Variants in JAM2 observed in about 807,000 individuals in gnomAD.
The protein encoded by JAM2 is junctional adhesion molecule B.
In JAM2, 17 loss-of-function variants were observed where a neutral mutation model predicts 42.0. That is an observed-to-expected ratio of 0.40 (90% CI 0.28 to 0.61). The LOEUF is 0.61. Ranked by LOEUF, JAM2 falls within the 20% of genes least tolerant of loss-of-function variation. The pLI is 0.37. For missense variants in JAM2, 319 were observed against 358.3 expected, an observed-to-expected ratio of 0.89 and a Z score of 0.89; for synonymous variants, 118 against 128.6, an observed-to-expected ratio of 0.92 and a Z score of 0.56.
intron 5 of JAM2, among the ~76,000 whole-genome samples, chr21:25,701,647 G>T (rs182531654): frequency 6.6e-6 from 1 of 152,176 alleles, no homozygotes; most frequent in African/African-American, 2.4e-5. Context: ...TGATAGAATC[G>T]ACAATCCTAT....
intron 1 of JAM2, among the ~76,000 whole-genome samples, chr21:25,642,029 C>T (rs1359221064): frequency 6.6e-6 from 1 of 152,158 alleles, no homozygotes; most frequent in Non-Finnish European, 1.5e-5. Context: ...ACATTTTCAT[C>T]ACATTATCTC....
chr21:25,690,051 A>G lies in JAM2; in HGVS notation c.241+78A>G, dbSNP rs948757621. On this transcript the variant is annotated intron_variant, in intron 3 of 9. Transcript: ENST00000480456. Reference sequence around the variant, plus strand: ...CAGGATCCTTTAATTGGCAAATGAGATCGGACATGACTGATTACTGAAAAT... The same window carrying G: ...CAGGATCCTTTAATTGGCAAATGAGGTCGGACATGACTGATTACTGAAAAT... The G allele has an allele frequency of 3.1e-5, 27 of 873,064 alleles. No homozygotes were observed. In the African/African-American group the frequency reaches 3.7e-4, roughly 12 times the overall value. 54.1% of individuals were successfully genotyped at this position (873,064 alleles called of 1,614,324 possible).
chr21:25,648,134 G>A (rs1248600749), intron 1 of JAM2, among the ~76,000 whole-genome samples: 6 of 152,066 alleles, frequency 3.9e-5, no homozygotes, highest in South Asian at 2.1e-4. Context: ...TCACTTGAAC[G>A]TGGGAGGCGG....
chr21:25,709,478 T>C (rs1195332021), intron 8 of JAM2, 29 bp downstream of exon 8: 1 of 1,421,824 alleles, frequency 7.0e-7, no homozygotes, highest in Admixed American at 1.8e-5. Context: ...AATGCATGTC[T>C]TTCTCCTATG....
chr21:25,660,221 CT>C (rs1201115437), intron 1 of JAM2, among the ~76,000 whole-genome samples: 1 of 152,102 alleles, frequency 6.6e-6, no homozygotes, highest in African/African-American at 2.4e-5. Flanking sequence ...CACCCAGCCC[CT>C]CTTATAGTTT....
Position 25,689,949 on chromosome 21 carries a change from G to A in JAM2, c.217G>A (p.Val73Ile). ...WKKLGRSVSF[V>I]YYQQTLQGDF... ...GAAACTGGGTCGGAGTGTCTCCTTTGTCTACTATCAACAGACTCTTCAAGG... is the reference window on the plus strand; with the variant it reads ...GAAACTGGGTCGGAGTGTCTCCTTTATCTACTATCAACAGACTCTTCAAGG... Residue 73 changes from valine to isoleucine, a missense_variant, in exon 3 of 10, where the codon GTC becomes ATC. Transcript: ENST00000480456. The A allele has an allele frequency of 6.2e-7, 1 of 1,611,442 alleles. No homozygotes were observed. Among genetic ancestry groups the A allele is most frequent in the Non-Finnish European group, 8.5e-7 (1 of 1,177,696 alleles).
Position 25,660,759 on chromosome 21 carries a change from C to CATATATATATAT in JAM2, c.67+20884_67+20895dup, listed in dbSNP as rs1311949044. Reference sequence around the variant, plus strand: ...TTTGTATTCTAATGCTCACAATAACCATATATATATATATATATATATATT... The same window carrying CATATATATATAT: ...TTTGTATTCTAATGCTCACAATAACCATATATATATATATATATATATATATATATATATATT... On this transcript the variant is annotated intron_variant, in intron 1 of 9. Transcript: ENST00000480456. Among the ~76,000 whole-genome samples the CATATATATATAT allele has an allele frequency of 4.9e-3, 259 of 53,352 alleles. 1 individual carries two copies. Among genetic ancestry groups the CATATATATATAT allele is most frequent in the Middle Eastern group, 0.034 (2 of 58 alleles). The allele number at this position is 53,352 out of a possible 152,430, so 35.0% of individuals were successfully genotyped here.
At chr21:25,656,855 A>G (rs2032952493) in intron 1 of JAM2, among the ~76,000 whole-genome samples, 1 of 152,204 alleles carries the variant, frequency 6.6e-6, no homozygotes, top group Non-Finnish European at 1.5e-5. Context: ...ATATATGTTC[A>G]ACTATTTATA....
intron 2 of JAM2, among the ~76,000 whole-genome samples, chr21:25,686,860 C>T (rs77675233): frequency 0.013 from 1,999 of 152,236 alleles, 9 homozygotes; most frequent in Non-Finnish European, 0.021. Context: ...TCTATCTATG[C>T]GATTCCTAAA....
At chr21:25,671,062 T>C (rs1486408502) in intron 1 of JAM2, among the ~76,000 whole-genome samples, 2 of 152,194 alleles carry the variant, frequency 1.3e-5, no homozygotes, top group Admixed American at 6.5e-5. Context: ...AAAATAAAAT[T>C]CACACAGCTC....
chr21:25,661,370 G>A (rs757771410), intron 1 of JAM2, among the ~76,000 whole-genome samples: 1 of 152,094 alleles, frequency 6.6e-6, no homozygotes, highest in Non-Finnish European at 1.5e-5. Context: ...GGCTGAAGCA[G>A]GAGGATCCCT....
chr21:25,710,496 A>G (rs2034360852), intron 8 of JAM2, among the ~76,000 whole-genome samples: 1 of 152,248 alleles, frequency 6.6e-6, no homozygotes, highest in African/African-American at 2.4e-5. Context: ...TAGGGTGGTC[A>G]GAAAGGATCT....
chr21:25,698,902 C>G (rs767232364), intron 5 of JAM2, 23 bp downstream of exon 5: 147 of 1,584,182 alleles, frequency 9.3e-5, no homozygotes, highest in Non-Finnish European at 1.2e-4. Context: ...CAAGATTTGA[C>G]TTGATAACTG....
chr21:25,711,075 GAGA>G (rs1015069149), intron 8 of JAM2, among the ~76,000 whole-genome samples: 3 of 152,222 alleles, frequency 2.0e-5, no homozygotes, highest in African/African-American at 2.4e-5. Context: ...TCAAGGTTAT[GAGA>G]AGGATGGAAT....
At chr21:25,694,508 C>G (rs1157146304) in intron 4 of JAM2, among the ~76,000 whole-genome samples, 1 of 152,028 alleles carries the variant, frequency 6.6e-6, no homozygotes, top group Non-Finnish European at 1.5e-5. Flanking sequence ...GGGGTTAACT[C>G]CAAAACCAGT....
At chr21:25,654,950 T>A (rs1330724486) in intron 1 of JAM2, among the ~76,000 whole-genome samples, 1 of 152,140 alleles carries the variant, frequency 6.6e-6, no homozygotes, top group Admixed American at 6.5e-5. Context: ...AACACATGCA[T>A]CTAAAGGCCT....
At chr21:25,673,951 T>TG (rs1314780490) in intron 1 of JAM2, among the ~76,000 whole-genome samples, 1 of 152,196 alleles carries the variant, frequency 6.6e-6, no homozygotes, top group African/African-American at 2.4e-5. Flanking sequence ...CGCGATCTGA[T>TG]GGTTTTATAA....
chr21:25,706,533 T>C (rs1241067803), intron 7 of JAM2, among the ~76,000 whole-genome samples: 1 of 152,140 alleles, frequency 6.6e-6, no homozygotes, highest in African/African-American at 2.4e-5. Flanking sequence ...ATTTATTTTC[T>C]GCTATAGAAA....
At chr21:25,702,518 C>T (rs1394896371) in intron 6 of JAM2, among the ~76,000 whole-genome samples, 2 of 152,090 alleles carry the variant, frequency 1.3e-5, no homozygotes, top group Admixed American at 1.3e-4. Flanking sequence ...TTTAAATAAT[C>T]GTTTTTAAAA....
Sources: gnomAD v4.1 joint callset for allele counts (sites outside exome capture counted in the v4.1 genomes callset) on GRCh38, gnomAD v4.1.1 for gene constraint, MANE v1.5 for transcripts, NCBI Gene and HGNC (gene_info 2026-07-23, HGNC 2026-07-21) for gene names.